Variants in UTP15 observed in about 807,000 individuals in gnomAD.
The protein encoded by UTP15 is UTP15 small subunit processome component.
A neutral mutation model predicts 59.1 loss-of-function variants in UTP15; 5 were observed. That is an observed-to-expected ratio of 0.08 (90% CI 0.04 to 0.18). The LOEUF (loss-of-function observed/expected upper bound fraction) is 0.18, where lower values mean the gene tolerates loss of function less well. Ranked by LOEUF, UTP15 falls within the 10% of genes least tolerant of loss-of-function variation. UTP15 has a pLI of 1.00. For synonymous variants in UTP15, 211 were observed against 212.2 expected (o/e 0.99, Z 0.05); for missense variants, 494 against 616.7 (o/e 0.80, Z 2.11).
rs2112038963 is a variant in UTP15, at chr5:73,568,582, A to G, written c.346A>G (p.Arg116Gly). 2 of 1,613,480 alleles carry G rather than the reference A, an allele frequency of 1.2e-6. No individual in the cohort carries two copies. The highest frequency in any genetic ancestry group is 2.2e-5 in the East Asian group (1 of 44,884). The change falls in exon 4 of 13, where the codon AGG (arginine) becomes GGG (glycine). Residue 116 changes from arginine to glycine, a missense_variant. Coordinates refer to ENST00000296792, the MANE Select transcript of UTP15 (RefSeq NM_032175.4). ...TGATATAAGTGGGAGGGCTCCCCTCAGGCAGTTTGAAGGCCATACAAAGTA... is the reference window on the plus strand; with the variant it reads ...TGATATAAGTGGGAGGGCTCCCCTCGGGCAGTTTGAAGGCCATACAAAGTA... Reference protein sequence around the residue: ...LFDISGRAPLRQFEGHTKAVH... With the variant: ...LFDISGRAPLGQFEGHTKAVH...
chr5:73,568,471 T>C lies in UTP15; in HGVS notation c.235T>C (p.Phe79Leu). ...AGAACCTATAAAAACCTTTTCTCGA[T>C]TTAAAGACACAGCATACTGTGCTAC... is the stretch of plus-strand genomic sequence containing the variant. ...SQEPIKTFSRFKDTAYCATFR... is the reference protein window; with the variant it reads ...SQEPIKTFSRLKDTAYCATFR... Residue 79 changes from phenylalanine (F) to leucine (L), a missense_variant, in exon 4 of 13, where the codon TTT (phenylalanine) becomes CTT (leucine). Transcript: ENST00000296792. 6.2e-7 allele frequency: 1 copy of C among 1,613,866 alleles called. No individual in the cohort carries two copies. The highest frequency in any genetic ancestry group is 8.5e-7 in the Non-Finnish European group (1 of 1,179,890).
chr5:73,580,215 A>G lies in UTP15; in HGVS notation c.*121A>G. ...CTGTTTGCAGAAGCAGTTCTGTGGA[A>G]GAGACTGGAATAATTATGGCCGGAA... On this transcript the variant is annotated 3_prime_UTR_variant, in exon 13 of 13. Coordinates refer to ENST00000296792, the MANE Select transcript of UTP15 (RefSeq NM_032175.4). 1.4e-6 allele frequency: 1 copy of G among 730,870 alleles called. No individual in the cohort carries two copies. The highest frequency in any genetic ancestry group is 2.2e-5 in the South Asian group (1 of 45,918). The allele number at this position is 730,870 out of a possible 1,614,324, so 45.3% of individuals were successfully genotyped here. A position where few individuals can be genotyped will look rare whatever the true frequency, so the allele number is the denominator to read the frequency against.
chr5:73,568,362 T>G (rs1486372416), intron 3 of UTP15, 35 bp downstream of exon 3: 2 of 1,586,314 alleles, frequency 1.3e-6, no homozygotes, highest in South Asian at 1.2e-5. Flanking sequence ...ATTTTTCTTT[T>G]GTATAGTTTA....
chr5:73,579,826 A>G (rs540334694), intron 12 of UTP15, 51 bp from the exon 13 acceptor site: 1 of 1,306,852 alleles, frequency 7.7e-7, no homozygotes, highest in African/African-American at 1.5e-5. Context: ...CTTTTCACTT[A>G]ATGTATGGAA....
Position 73,569,481 on chromosome 5 carries a change from A to G in UTP15, c.369-16A>G. On this transcript the variant is annotated splice_polypyrimidine_tract_variant and intron_variant, in intron 4 of 12. Coordinates refer to ENST00000296792, the MANE Select transcript of UTP15 (RefSeq NM_032175.4). ...AATTTTCTTGCTTTTTAATATACTGACCTTCAATCTTTCAGAGCAGTTCAT... is the reference window on the plus strand; with the variant it reads ...AATTTTCTTGCTTTTTAATATACTGGCCTTCAATCTTTCAGAGCAGTTCAT... 1 of 1,524,410 alleles carries G rather than the reference A, an allele frequency of 6.6e-7. No homozygotes were observed. The highest frequency in any genetic ancestry group is 8.8e-7 in the Non-Finnish European group (1 of 1,135,360). 94.4% of individuals were successfully genotyped at this position (1,524,410 alleles called of 1,614,324 possible).
chr5:73,570,699 C>T lies in UTP15; in HGVS notation c.661C>T (p.Leu221=). The T allele has an allele frequency of 6.2e-7, 1 of 1,613,972 alleles. No individual in the cohort carries two copies. Residue 221 remains leucine, a synonymous_variant, in exon 6 of 13, where the codon CTG becomes TTG. Transcript: ENST00000296792. ...SVLLFPSGGL[L]VSAGGRYVKV... is the part of the protein sequence containing the mutation. Reference sequence around the variant, plus strand: ...CCTACTTTTCCCCTCTGGAGGTCTTCTGGTGTCAGCAGGTACTTCTTAAAA... The same window carrying T: ...CCTACTTTTCCCCTCTGGAGGTCTTTTGGTGTCAGCAGGTACTTCTTAAAA...
chr5:73,570,525 A>G (rs530549655), intron 5 of UTP15, 61 bp from the exon 6 acceptor site: 8 of 1,544,036 alleles, frequency 5.2e-6, no homozygotes, highest in South Asian at 1.2e-5. Flanking sequence ...TTATATCTGG[A>G]TACACACAGT....
chr5:73,578,134 T>C (rs552742551), intron 9 of UTP15, 129 bp downstream of exon 9: 1 of 932,978 alleles, frequency 1.1e-6, no homozygotes, highest in South Asian at 1.7e-5. Flanking sequence ...ATCAGAATTA[T>C]TTCTAGATTG....
intron 5 of UTP15, among the ~76,000 whole-genome samples, chr5:73,569,985 A>C (rs923682565): frequency 6.6e-6 from 1 of 151,886 alleles, no homozygotes; most frequent in African/African-American, 2.4e-5. Context: ...GGTGCCCACC[A>C]CCACGTCCAG....
chr5:73,576,394 C>T (rs1748094186), intron 7 of UTP15, among the ~76,000 whole-genome samples: 1 of 152,056 alleles, frequency 6.6e-6, no homozygotes, highest in Non-Finnish European at 1.5e-5. Context: ...ACCTGAGCCA[C>T]CACACCCGGC....
intron 1 of UTP15, 60 bp downstream of exon 1, chr5:73,565,972 A>G (rs1747744527): frequency 2.3e-6 from 1 of 442,458 alleles, no homozygotes. Flanking sequence ...TTCCTGTGTT[A>G]ATCTGGCATG....
intron 7 of UTP15, among the ~76,000 whole-genome samples, chr5:73,576,706 C>CA (rs1748108888): frequency 6.6e-6 from 1 of 152,190 alleles, no homozygotes; most frequent in African/African-American, 2.4e-5. Flanking sequence ...CTCCTGACCT[C>CA]AGGTGATTCA....
intron 1 of UTP15, chr5:73,566,273 G>A (rs575909962): frequency 9.5e-6 from 2 of 210,038 alleles, no homozygotes; most frequent in South Asian, 6.8e-5. Flanking sequence ...GAGTGAGGAA[G>A]AAAAGGACAC....
rs138214258 is a variant in UTP15, at chr5:73,577,793, A to G, written c.895-63A>G. 95 of 1,398,308 alleles carry G rather than the reference A, an allele frequency of 6.8e-5. No individual in the cohort carries two copies. In the African/African-American group the frequency reaches 7.7e-4, roughly 11 times the overall value. The allele number at this position is 1,398,308 out of a possible 1,614,324, so 86.6% of individuals were successfully genotyped here. A position where few individuals can be genotyped will look rare whatever the true frequency, so the allele number is the denominator to read the frequency against. On this transcript the variant is annotated intron_variant, in intron 8 of 12. Transcript: ENST00000296792. ...GCAAACACATGGTAAATGTGTTTTGAAGTAAAAGTACTATAAATTACGAGT... is the reference window on the plus strand; with the variant it reads ...GCAAACACATGGTAAATGTGTTTTGGAGTAAAAGTACTATAAATTACGAGT...
intron 7 of UTP15, 75 bp downstream of exon 7, chr5:73,572,699 G>A: frequency 1.4e-6 from 2 of 1,435,438 alleles, no homozygotes; most frequent in Non-Finnish European, 1.9e-6. Flanking sequence ...AGTTATTTCA[G>A]CAATATTTGT....
chr5:73,566,464 G>T (rs347236), intron 1 of UTP15, among the ~76,000 whole-genome samples: 7 of 152,220 alleles, frequency 4.6e-5, no homozygotes. Context: ...CCAAAGACCA[G>T]TGAAATACAA....
In UTP15 at chr5:73,581,694, G is replaced by A. The variant is rs1458729106; in HGVS notation, c.*1600G>A. ...GGTATTAAGTAAAAATTAAATAAAC[G>A]TATTAAGTTTAACATATTAAATTAA... On this transcript the variant is annotated 3_prime_UTR_variant, in exon 13 of 13. Coordinates refer to ENST00000296792, the MANE Select transcript of UTP15 (RefSeq NM_032175.4). 4.0e-5 allele frequency: 6 copies of A among 151,580 alleles called. No homozygotes were observed. Among genetic ancestry groups the A allele is most frequent in the Admixed American group, 6.6e-5 (1 of 15,218 alleles). 9.4% of individuals were successfully genotyped at this position (151,580 alleles called of 1,614,324 possible).
intron 7 of UTP15, among the ~76,000 whole-genome samples, chr5:73,573,386 T>A (rs1039131330): frequency 6.6e-6 from 1 of 151,558 alleles, no homozygotes; most frequent in Non-Finnish European, 1.5e-5. Context: ...TAGCTGGGAT[T>A]ACAGGTGTGC....
intron 7 of UTP15, 123 bp from the exon 8 acceptor site, chr5:73,576,829 A>G: frequency 1.5e-6 from 1 of 688,872 alleles, no homozygotes; most frequent in Non-Finnish European, 2.5e-6. Context: ...AACATTACTA[A>G]TCTTTGTTTT....
Sources: gnomAD v4.1 joint callset for allele counts (sites outside exome capture counted in the v4.1 genomes callset) on GRCh38, gnomAD v4.1.1 for gene constraint, MANE v1.5 for transcripts, NCBI Gene and HGNC (gene_info 2026-07-23, HGNC 2026-07-21) for gene names.